The following TBX20 variants were observed in gnomAD, a reference collection of about 807,000 sequenced individuals.
TBX20 encodes the protein T-box transcription factor 20, also known as T-box transcription factor TBX20.
Under a neutral mutation model 42.9 loss-of-function variants are expected in TBX20, and 8 were observed. The ratio of observed to expected loss-of-function variants is 0.19; its 90% CI spans 0.11 to 0.34. The LOEUF is 0.34. Ranked by LOEUF, TBX20 falls within the 10% of genes least tolerant of loss-of-function variation. The pLI is 1.00. For missense variants in TBX20, 411 were observed against 566.0 expected (o/e 0.73, Z 2.78); for synonymous variants, 198 against 222.8 (o/e 0.89, Z 0.99).
chr7:35,209,448 T>C (rs1188187199), intron 6 of TBX20, among the ~76,000 whole-genome samples: 1 of 152,194 alleles, frequency 6.6e-6, no homozygotes, highest in Non-Finnish European at 1.5e-5. Context: ...ACATTTTAAT[T>C]GTAAGTATTC....
At position 35,245,046 on chromosome 7, in the gene TBX20, T is replaced by C. The variant is rs1195255108; in HGVS notation, c.557A>G (p.His186Arg). The C allele has an allele frequency of 6.2e-7, 1 of 1,612,964 alleles. No individual in the cohort carries two copies. Among genetic ancestry groups the C allele is most frequent in the Non-Finnish European group, 8.5e-7 (1 of 1,179,076 alleles). The change falls in exon 4 of 8, where the codon CAT becomes CGT. Residue 186 changes from histidine to arginine, a missense_variant. Transcript: ENST00000408931. ...CTCACCGGTAAAAGGAGAATCTGGA[T>C]GCACATAGAGCCTAAGAAAATTAGG... ...DPPLPARLYV[H>R]PDSPFTGEQL...
intron 6 of TBX20, among the ~76,000 whole-genome samples, chr7:35,209,661 T>G (rs1407923654): frequency 6.6e-6 from 1 of 152,194 alleles, no homozygotes; most frequent in African/African-American, 2.4e-5. Flanking sequence ...TCCATCAATT[T>G]CTACTCTGAT....
chr7:35,241,093 C>G, intron 4 of TBX20, 56 bp from the exon 5 acceptor site: 1 of 1,524,934 alleles, frequency 6.6e-7, no homozygotes, highest in Non-Finnish European at 9.1e-7. Flanking sequence ...GCTAAACAGG[C>G]CAAATTACAG....
At chr7:35,250,947 A>AG (rs1270941878) in intron 1 of TBX20, among the ~76,000 whole-genome samples, 1 of 152,168 alleles carries the variant, frequency 6.6e-6, no homozygotes, top group South Asian at 2.1e-4. Context: ...CAATTACTTG[A>AG]GGGGTGAGGT....
chr7:35,250,452 T>A (rs1474145173), intron 1 of TBX20, among the ~76,000 whole-genome samples: 1 of 152,162 alleles, frequency 6.6e-6, no homozygotes, highest in Non-Finnish European at 1.5e-5. Flanking sequence ...CCACCAGTAC[T>A]GCAGCCCACT....
chr7:35,239,126 T>G (rs572031451), intron 5 of TBX20, among the ~76,000 whole-genome samples: 1 of 152,202 alleles, frequency 6.6e-6, no homozygotes, highest in African/African-American at 2.4e-5. Flanking sequence ...TACTCAAAGT[T>G]GTATAGAAAT....
intron 7 of TBX20, among the ~76,000 whole-genome samples, chr7:35,204,143 TG>T (rs1233924734): frequency 1.3e-5 from 2 of 152,184 alleles, no homozygotes; most frequent in African/African-American, 4.8e-5. Flanking sequence ...AAGGACTTGG[TG>T]ACTGCCCCCA....
At chr7:35,233,619 A>G (rs1344059863) in intron 5 of TBX20, among the ~76,000 whole-genome samples, 2 of 152,162 alleles carry the variant, frequency 1.3e-5, no homozygotes, top group East Asian at 3.8e-4. Flanking sequence ...TTTGGGAGGG[A>G]AGGGGAAAAT....
chr7:35,247,532 T>C (rs762383477), intron 3 of TBX20, among the ~76,000 whole-genome samples: 1 of 152,032 alleles, frequency 6.6e-6, no homozygotes, highest in African/African-American at 2.4e-5. Context: ...TAGCATACGA[T>C]AAACTCAATA....
At chr7:35,238,852 T>C (rs908917839) in intron 5 of TBX20, among the ~76,000 whole-genome samples, 2 of 139,224 alleles carry the variant, frequency 1.4e-5, no homozygotes, top group Non-Finnish European at 3.2e-5. Flanking sequence ...TGATAACAAT[T>C]ACGCATTAAT....
At chr7:35,226,237 C>T (rs1356208959) in intron 6 of TBX20, among the ~76,000 whole-genome samples, 4 of 151,616 alleles carry the variant, frequency 2.6e-5, no homozygotes, top group African/African-American at 4.8e-5. Context: ...AATCAAAGAA[C>T]GAGAGCAACA....
At chr7:35,238,148 T>C (rs905574399) in intron 5 of TBX20, among the ~76,000 whole-genome samples, 1 of 152,190 alleles carries the variant, frequency 6.6e-6, no homozygotes, top group Non-Finnish European at 1.5e-5. Context: ...CATGATATCA[T>C]TGAGAAGATC....
chr7:35,247,737 T>C (rs759091068), intron 3 of TBX20, among the ~76,000 whole-genome samples: 4 of 152,152 alleles, frequency 2.6e-5, no homozygotes, highest in Non-Finnish European at 5.9e-5. Flanking sequence ...AAATTAGTCA[T>C]TAAACAACAA....
At chr7:35,224,451 T>C (rs1489294699) in intron 6 of TBX20, among the ~76,000 whole-genome samples, 1 of 152,246 alleles carries the variant, frequency 6.6e-6, no homozygotes, top group Non-Finnish European at 1.5e-5. Context: ...GGCAGGCGGA[T>C]GACCTGAGGT....
At chr7:35,210,245 G>A (rs1189448050) in intron 6 of TBX20, among the ~76,000 whole-genome samples, 1 of 150,616 alleles carries the variant, frequency 6.6e-6, no homozygotes, top group Non-Finnish European at 1.5e-5. Context: ...CTCCCAAGTT[G>A]CTGGGACTAC....
intron 7 of TBX20, among the ~76,000 whole-genome samples, chr7:35,204,135 G>A (rs1202423365): frequency 6.6e-6 from 1 of 152,178 alleles, no homozygotes; most frequent in Non-Finnish European, 1.5e-5. Context: ...AGGTTCAGAA[G>A]GACTTGGTGA....
At chr7:35,229,901 T>C (rs1381223576) in intron 6 of TBX20, among the ~76,000 whole-genome samples, 3 of 152,190 alleles carry the variant, frequency 2.0e-5, no homozygotes, top group African/African-American at 4.8e-5. Context: ...TTCCATTTTC[T>C]AGATGAGCGT....
chr7:35,212,573 G>A (rs1175740622), intron 6 of TBX20, among the ~76,000 whole-genome samples: 2 of 152,122 alleles, frequency 1.3e-5, no homozygotes, highest in Non-Finnish European at 2.9e-5. Flanking sequence ...AAGTTACCTG[G>A]AAATAATTTG....
At chr7:35,248,394 C>T (rs948080761) in intron 3 of TBX20, among the ~76,000 whole-genome samples, 1 of 152,156 alleles carries the variant, frequency 6.6e-6, no homozygotes, top group Non-Finnish European at 1.5e-5. Flanking sequence ...AATGGGTCCA[C>T]ATTTCTAATG....
Sources: gnomAD v4.1 joint callset for allele counts (sites outside exome capture counted in the v4.1 genomes callset) on GRCh38, gnomAD v4.1.1 for gene constraint, MANE v1.5 for transcripts, NCBI Gene and HGNC (gene_info 2026-07-23, HGNC 2026-07-21) for gene names.